The following ZMYM1 variants were observed in gnomAD, a reference collection of about 807,000 sequenced individuals.
The protein encoded by ZMYM1 is zinc finger MYM-type protein 1.
ZMYM1 carries 39 observed loss-of-function variants against 60.0 expected under a neutral mutation model. That is an observed-to-expected ratio of 0.65 (90% CI 0.50 to 0.85). The LOEUF is 0.85. Ranked by LOEUF, ZMYM1 falls within the 40% of genes least tolerant of loss-of-function variation. The probability of loss-of-function intolerance (pLI) is 0.00; values close to 1 mark genes in which losing one functional copy is unlikely to be tolerated. For synonymous variants in ZMYM1, 413 were observed against 454.0 expected (o/e 0.91, Z 1.15); for missense variants, 1,171 against 1,309.5 (o/e 0.89, Z 1.63).
chr1:35,065,455 A>G (rs916765406), intron 1 of ZMYM1, among the ~76,000 whole-genome samples: 2 of 151,894 alleles, frequency 1.3e-5, no homozygotes, highest in African/African-American at 4.8e-5. Context: ...ATTGACGTTT[A>G]TGTTATTGGT....
intron 1 of ZMYM1, among the ~76,000 whole-genome samples, chr1:35,092,322 T>C (rs1237628320): frequency 6.6e-6 from 1 of 152,002 alleles, no homozygotes; most frequent in Non-Finnish European, 1.5e-5. Flanking sequence ...AGCCTCCGCC[T>C]CCTGGGTTGA....
chr1:35,105,084 A>G (rs1643845721), intron 6 of ZMYM1, among the ~76,000 whole-genome samples: 1 of 149,938 alleles, frequency 6.7e-6, no homozygotes, highest in Admixed American at 6.6e-5. Context: ...CAAACACAAA[A>G]GTATTTTTGT....
chr1:35,099,151 A>G (rs556567580), intron 4 of ZMYM1, among the ~76,000 whole-genome samples: 3 of 152,316 alleles, frequency 2.0e-5, no homozygotes, highest in African/African-American at 7.2e-5. Flanking sequence ...CAAACTCACA[A>G]ACCCTTTTGA....
intron 6 of ZMYM1, among the ~76,000 whole-genome samples, chr1:35,106,973 T>A (rs1643910973): frequency 2.6e-5 from 4 of 151,608 alleles, no homozygotes; most frequent in Admixed American, 2.0e-4. Flanking sequence ...TATCTCAGCC[T>A]CGCGAGCAGC....
chr1:35,104,907 C>T (rs930049062), intron 6 of ZMYM1, 138 bp downstream of exon 6: 4 of 634,034 alleles, frequency 6.3e-6, no homozygotes, highest in Non-Finnish European at 1.0e-5. Flanking sequence ...AGGCTTTTAA[C>T]GGTTTCTTCT....
intron 1 of ZMYM1, among the ~76,000 whole-genome samples, chr1:35,087,333 T>C (rs1642711682): frequency 6.6e-6 from 1 of 152,058 alleles, no homozygotes; most frequent in African/African-American, 2.4e-5. Context: ...ATCAGGGTTA[T>C]ATAAATACTA....
At chr1:35,073,804 G>T (rs1256872366) in intron 1 of ZMYM1, among the ~76,000 whole-genome samples, 1 of 152,028 alleles carries the variant, frequency 6.6e-6, no homozygotes, top group African/African-American at 2.4e-5. Context: ...ATTTTGTGAT[G>T]ATGTGTTTCC....
intron 7 of ZMYM1, 122 bp from the exon 8 acceptor site, chr1:35,111,650 A>G: frequency 1.1e-6 from 1 of 878,912 alleles, no homozygotes; most frequent in Non-Finnish European, 1.6e-6. Flanking sequence ...AAATTACTTC[A>G]GTACCTACCA....
At position 35,114,922 on chromosome 1, in the gene ZMYM1, G is replaced by A. The variant is rs755186491; in HGVS notation, c.3092G>A (p.Arg1031Gln). ...EDIIPELRFYRHYAKLNFVID... is the reference protein window; with the variant it reads ...EDIIPELRFYQHYAKLNFVID... ...ATTATCCCAGAACTTAGATTTTATC[G>A]ACATTATGCAAAGCTTAACTTTGTC... Residue 1031 changes from arginine to glutamine, a missense_variant, in exon 10 of 10, where the codon CGA becomes CAA. Coordinates refer to ENST00000359858, the MANE Select transcript of ZMYM1 (RefSeq NM_024772.5). The A allele has an allele frequency of 1.3e-4, 205 of 1,612,380 alleles. No homozygotes were observed. Among genetic ancestry groups the A allele is most frequent in the Non-Finnish European group, 1.6e-4 (189 of 1,178,808 alleles).
At chr1:35,066,273 C>T (rs1245370632) in intron 1 of ZMYM1, among the ~76,000 whole-genome samples, 1 of 152,248 alleles carries the variant, frequency 6.6e-6, no homozygotes, top group East Asian at 1.9e-4. Context: ...TCTCGGCTCA[C>T]TGCAACCTCC....
chr1:35,101,685 G>C (rs1361712230), intron 4 of ZMYM1, among the ~76,000 whole-genome samples: 2 of 151,364 alleles, frequency 1.3e-5, no homozygotes, highest in Admixed American at 1.3e-4. Flanking sequence ...TTACAGTGTC[G>C]TGTTCATAAC....
intron 7 of ZMYM1, among the ~76,000 whole-genome samples, chr1:35,110,659 G>A (rs934048995): frequency 1.3e-5 from 2 of 152,006 alleles, no homozygotes; most frequent in African/African-American, 2.4e-5. Context: ...GGCCAAGCAC[G>A]GTGGCTCATG....
intron 1 of ZMYM1, among the ~76,000 whole-genome samples, chr1:35,089,247 G>A (rs1417475002): frequency 2.6e-5 from 4 of 152,084 alleles, no homozygotes; most frequent in Admixed American, 6.6e-5. Flanking sequence ...CTGTGATACC[G>A]CCACTGCACA....
At chr1:35,109,279 G>A (rs559146807) in intron 6 of ZMYM1, among the ~76,000 whole-genome samples, 248 of 152,136 alleles carry the variant, frequency 1.6e-3, no homozygotes, top group African/African-American at 5.5e-3. Context: ...TGATCCCCCC[G>A]CCTCAACCTC....
Position 35,095,928 on chromosome 1 carries a change from AC to A in ZMYM1, c.169+39del, listed in dbSNP as rs767852087. ...ATTTAAGTTAGTTATGTTTATTCAG[AC>A]CAATACGACAGCTGATTCATTCTTT... On this transcript the variant is annotated intron_variant, in intron 3 of 9. Transcript: ENST00000359858. 4.6e-5 allele frequency: 65 copies of A among 1,404,738 alleles called. No individual in the cohort carries two copies. In the East Asian group the frequency reaches 1.3e-3, roughly 28 times the overall value. The allele number at this position is 1,404,738 out of a possible 1,614,324, so 87.0% of individuals were successfully genotyped here.
At chr1:35,062,564 C>G (rs1269174311) in intron 1 of ZMYM1, among the ~76,000 whole-genome samples, 2 of 152,220 alleles carry the variant, frequency 1.3e-5, no homozygotes, top group African/African-American at 4.8e-5. Context: ...GTAGGAGATA[C>G]CAGGCACAGG....
chr1:35,106,838 T>TTTG (rs200589076), intron 6 of ZMYM1, among the ~76,000 whole-genome samples: 2,284 of 151,212 alleles, frequency 0.015, 33 homozygotes, highest in African/African-American at 0.033. Flanking sequence ...TGGGTTGTTT[T>TTTG]TTGTTGTTGT....
At position 35,112,072 on chromosome 1, in the gene ZMYM1, G is replaced by A; in HGVS notation, c.1103-15G>A. The A allele has an allele frequency of 6.2e-7, 1 of 1,609,844 alleles. No individual in the cohort carries two copies. Among genetic ancestry groups the A allele is most frequent in the Non-Finnish European group, 8.5e-7 (1 of 1,177,962 alleles). On this transcript the variant is annotated splice_polypyrimidine_tract_variant and intron_variant, in intron 8 of 9. Transcript: ENST00000359858. ...ATAGTATATAAGATCTTGAATTTAT[G>A]CTCTATTTTAACAGATACAGTTTCT...
At chr1:35,088,099 A>G (rs1163088652) in intron 1 of ZMYM1, among the ~76,000 whole-genome samples, 1 of 151,538 alleles carries the variant, frequency 6.6e-6, no homozygotes, top group Non-Finnish European at 1.5e-5. Context: ...GTCTGCTCTT[A>G]TCATATTTCT....
Sources: allele counts gnomAD v4.1 joint callset (sites outside exome capture counted in the v4.1 genomes callset), GRCh38; gene constraint gnomAD v4.1.1; transcripts MANE v1.5; gene names NCBI Gene and HGNC (gene_info 2026-07-23, HGNC 2026-07-21).